GRIP1: variants seen among roughly 807,000 people sequenced by gnomAD.
GRIP1 encodes glutamate receptor interacting protein 1.
Under a neutral mutation model 129.9 loss-of-function variants are expected in GRIP1, and 45 were observed. The ratio of observed to expected loss-of-function variants is 0.35; its 90% CI spans 0.27 to 0.44. The LOEUF (loss-of-function observed/expected upper bound fraction) is 0.44, where lower values mean the gene tolerates loss of function less well. Ranked by LOEUF, GRIP1 falls within the 20% of genes least tolerant of loss-of-function variation. The pLI is 1.00. For synonymous variants in GRIP1, 530 were observed against 520.8 expected, an observed-to-expected ratio of 1.02 and a Z score of -0.24; for missense variants, 1,196 against 1,396.8, an observed-to-expected ratio of 0.86 and a Z score of 2.29.
At chr12:66,582,691 A>C (rs2139631164) in intron 2 of GRIP1, among the ~76,000 whole-genome samples, 1 of 143,580 alleles carries the variant, frequency 7.0e-6, no homozygotes, top group South Asian at 2.2e-4. Flanking sequence ...TAGGAATCCA[A>C]CTTACAAGGG....
chr12:66,539,784 A>G (rs1267644023), intron 3 of GRIP1, among the ~76,000 whole-genome samples: 1 of 152,160 alleles, frequency 6.6e-6, no homozygotes, highest in Middle Eastern at 3.2e-3. Context: ...TAAGAAGAGT[A>G]TTGGTGAAGG....
intron 15 of GRIP1, among the ~76,000 whole-genome samples, chr12:66,417,441 G>A (rs1426971950): frequency 2.0e-5 from 3 of 152,108 alleles, no homozygotes; most frequent in Non-Finnish European, 4.4e-5. Flanking sequence ...GTCCTAGCTA[G>A]AGCAATCCCA....
In GRIP1 at chr12:66,837,528, G is replaced by A. The variant is rs116655096; in HGVS notation, c.58+231522C>T. ...TCAGTGTGGTATGTGTGCAGCAAAA[G>A]TGAAATGAGGCTGGGGAAGTTGGCA... On this transcript the variant is annotated intron_variant, in intron 1 of 1. Transcript: ENST00000643019. Among the ~76,000 whole-genome samples the A allele has an allele frequency of 2.4e-3, 361 of 152,262 alleles. 3 individuals carry two copies. Among genetic ancestry groups the A allele is most frequent in the African/African-American group, 8.4e-3 (350 of 41,554 alleles).
At chr12:67,024,874 T>C (rs2042918869) in intron 1 of GRIP1, among the ~76,000 whole-genome samples, 1 of 152,220 alleles carries the variant, frequency 6.6e-6, no homozygotes, top group South Asian at 2.1e-4. Context: ...ACTAATAATG[T>C]TTAAAAACTT....
At chr12:66,642,300 G>T (rs2032005596) in intron 1 of GRIP1, among the ~76,000 whole-genome samples, 1 of 152,082 alleles carries the variant, frequency 6.6e-6, no homozygotes, top group South Asian at 2.1e-4. Flanking sequence ...GGGAACTCCA[G>T]CTAGAACTCC....
At chr12:66,735,717 T>C (rs1240332122) in intron 1 of GRIP1, among the ~76,000 whole-genome samples, 1 of 151,920 alleles carries the variant, frequency 6.6e-6, no homozygotes, top group East Asian at 1.9e-4. Flanking sequence ...CATCAAGAAG[T>C]AGTCTGAGAA....
chr12:66,885,064 G>A (rs1242367992), intron 1 of GRIP1, among the ~76,000 whole-genome samples: 1 of 152,198 alleles, frequency 6.6e-6, no homozygotes, highest in East Asian at 1.9e-4. Flanking sequence ...TGAGCCTGAA[G>A]AATTGACTAT....
Position 66,529,888 on chromosome 12 carries a change from G to A in GRIP1, c.445C>T (p.Arg149Ter). 1.2e-6 allele frequency: 2 copies of A among 1,601,594 alleles called. No homozygotes were observed. Among genetic ancestry groups the A allele is most frequent in the South Asian group, 1.1e-5 (1 of 90,814 alleles). Residue 149 changes from arginine to a stop codon, truncating the protein, a stop_gained, in exon 5 of 25, where the codon CGA becomes TGA. Transcript: ENST00000359742. LOFTEE classifies it high-confidence loss of function. ...TTATGTAATGTGACCTCCACTGTTC[G>A]GAAAATAACACTTGATCCTTGCACA... is the stretch of plus-strand genomic sequence containing the variant. ...VSVQGSSVIF[R>*]TVEVTLHKEG...
rs780019018 is a variant in GRIP1, at chr12:66,349,070, C to T, written c.3336G>A (p.Gln1112=). Reference sequence around the variant, plus strand: ...TCTCCAAATTACCACCGTGGCTAGGCTGCTGGAAAAAAGCACTGTTCTGTT... The same window carrying T: ...TCTCCAAATTACCACCGTGGCTAGGTTGCTGGAAAAAAGCACTGTTCTGTT... ...WSEQNSAFFQ[Q]PSHGGNLETR... is the part of the protein sequence containing the mutation. The change falls in exon 25 of 25, where the codon CAG becomes CAA. Residue 1112 remains glutamine, a synonymous_variant. Transcript: ENST00000359742. The T allele has an allele frequency of 2.5e-6, 4 of 1,614,080 alleles. No individual in the cohort carries two copies. In the South Asian group the frequency reaches 3.3e-5, roughly 13 times the overall value.
chr12:66,392,172 T>TTA, intron 19 of GRIP1, 136 bp downstream of exon 19: 1 of 667,760 alleles, frequency 1.5e-6, no homozygotes, highest in Non-Finnish European at 2.7e-6. Context: ...ATTCAATGTG[T>TTA]TCAATATGAT....
At chr12:66,918,391 T>C (rs1279546264) in intron 1 of GRIP1, among the ~76,000 whole-genome samples, 1 of 152,188 alleles carries the variant, frequency 6.6e-6, no homozygotes, top group Non-Finnish European at 1.5e-5. Flanking sequence ...TCTTATTTTC[T>C]CAGTCAGCCA....
chr12:66,901,513 G>A (rs753655118), intron 1 of GRIP1, among the ~76,000 whole-genome samples: 2 of 152,192 alleles, frequency 1.3e-5, no homozygotes, highest in Non-Finnish European at 2.9e-5. Context: ...AGGCTTTCTT[G>A]TTTGCAAAGG....
intron 1 of GRIP1, among the ~76,000 whole-genome samples, chr12:66,620,213 C>T (rs1476149746): frequency 6.6e-6 from 1 of 152,160 alleles, no homozygotes; most frequent in Non-Finnish European, 1.5e-5. Context: ...CCCTGGCAGT[C>T]TTAGATTAAA....
chr12:66,383,299 A>AAACAACAACAACAACAACAAC (rs59263648), intron 19 of GRIP1, among the ~76,000 whole-genome samples: 2 of 141,418 alleles, frequency 1.4e-5, no homozygotes, highest in South Asian at 2.5e-4. Context: ...TCTGTCTCAA[A>AAACAACAACAACAACAACAAC]AACAACAACA....
chr12:66,653,823 T>C (rs182136450), intron 1 of GRIP1, among the ~76,000 whole-genome samples: 1 of 152,338 alleles, frequency 6.6e-6, no homozygotes, highest in Non-Finnish European at 1.5e-5. Flanking sequence ...TTTATACCTC[T>C]GTGGACCAAA....
chr12:66,409,961 T>C (rs1179038810), intron 15 of GRIP1, among the ~76,000 whole-genome samples: 2 of 152,194 alleles, frequency 1.3e-5, no homozygotes, highest in East Asian at 3.9e-4. Flanking sequence ...GCAGAAGAGA[T>C]AATTAGTGGC....
chr12:67,029,081 C>A (rs185579026), intron 1 of GRIP1, among the ~76,000 whole-genome samples: 3 of 151,788 alleles, frequency 2.0e-5, no homozygotes, highest in African/African-American at 7.2e-5. Context: ...CCAGCCTGGG[C>A]AAAATAGTGA....
At chr12:66,587,311 C>T (rs920697637) in intron 2 of GRIP1, among the ~76,000 whole-genome samples, 41 of 152,244 alleles carry the variant, frequency 2.7e-4, no homozygotes, top group African/African-American at 8.4e-4. Flanking sequence ...CCAAAGTCAC[C>T]AGCTCATGGA....
At chr12:66,355,349 A>G (rs964863358) in intron 23 of GRIP1, among the ~76,000 whole-genome samples, 15 of 152,222 alleles carry the variant, frequency 9.9e-5, no homozygotes, top group African/African-American at 3.6e-4. Context: ...AACCTTTATG[A>G]GGACAGCCCA....
Sources: gnomAD v4.1 joint callset for allele counts (sites outside exome capture counted in the v4.1 genomes callset) on GRCh38, gnomAD v4.1.1 for gene constraint, MANE v1.5 for transcripts, NCBI Gene and HGNC (gene_info 2026-07-23, HGNC 2026-07-21) for gene names.